The following XKRX variants were observed in gnomAD, a reference collection of about 807,000 sequenced individuals.
The protein encoded by XKRX is XK-related protein 2.
In XKRX, 11 loss-of-function variants were observed where a neutral mutation model predicts 22.4. The observed-to-expected ratio is 0.49, with a 90% confidence interval of 0.31 to 0.81. The LOEUF is 0.81. Among genes scored for constraint, XKRX ranks in the 40% least tolerant of loss-of-function variants. The pLI is 0.05. For missense variants in XKRX, 320 were observed against 336.5 expected (o/e 0.95, Z 0.38); for synonymous variants, 114 against 132.2 (o/e 0.86, Z 0.94).
chrX:100,909,965 T>C (rs2085401716), downstream of XKRX, among the ~76,000 whole-genome samples: 1 of 87,851 alleles, frequency 1.1e-5, no homozygotes, highest in African/African-American at 4.0e-5. Context: ...GTGCCAGGAA[T>C]ATAGTAGGTG....
the XKRX span, among the ~76,000 whole-genome samples, chrX:100,954,598 T>C: frequency 6.3e-5 from 7 of 111,639 alleles, no homozygotes; most frequent in Non-Finnish European, 1.3e-4. Flanking sequence ...TATATGCCCA[T>C]AAAAAACTTG....
At chrX:100,938,991 G>C in the XKRX span, among the ~76,000 whole-genome samples, 1 of 111,971 alleles carries the variant, frequency 8.9e-6, no homozygotes, top group East Asian at 2.8e-4. Flanking sequence ...TCCACATAGT[G>C]CTGCCCTATA....
chrX:100,904,197 T>C, the XKRX span, among the ~76,000 whole-genome samples: 1 of 111,800 alleles, frequency 8.9e-6, no homozygotes. Flanking sequence ...TCAACTGATG[T>C]TTGGTAAAGG....
the XKRX span, among the ~76,000 whole-genome samples, chrX:100,939,623 C>T: frequency 8.9e-6 from 1 of 111,947 alleles, no homozygotes; most frequent in Non-Finnish European, 1.9e-5. Flanking sequence ...CCTGAAGAGA[C>T]TTTCTCACCC....
rs190786549 is a variant in XKRX, at chrX:100,922,449, T to C, written c.604+344A>G. ...TTCTTCTGGGCCCAGAGAAGGTTTA[T>C]CTGTGACATTTTTAGTCTAAACAGC... is the stretch of plus-strand genomic sequence containing the variant. On this transcript the variant is annotated intron_variant, in intron 2 of 2. Coordinates refer to ENST00000372956, the MANE Select transcript of XKRX (RefSeq NM_212559.3). Among the ~76,000 whole-genome samples the C allele has an allele frequency of 2.1e-4, 24 of 111,940 alleles. No homozygotes were observed. In the East Asian group the frequency reaches 6.8e-3, roughly 32 times the overall value.
At chrX:100,901,036 C>A in the XKRX span, among the ~76,000 whole-genome samples, 2 of 110,713 alleles carry the variant, frequency 1.8e-5, no homozygotes, top group South Asian at 7.7e-4. Context: ...GTGATCTGCC[C>A]GCCTTGGCCT....
At chrX:100,909,023 A>G (rs2085397961), downstream of XKRX, among the ~76,000 whole-genome samples, 1 of 111,922 alleles carries the variant, frequency 8.9e-6, no homozygotes, top group South Asian at 3.8e-4. Flanking sequence ...GATGAAGTGG[A>G]AGGGAATGGG....
the XKRX span, among the ~76,000 whole-genome samples, chrX:100,941,643 T>C: frequency 1.8e-5 from 2 of 112,320 alleles, no homozygotes; most frequent in Non-Finnish European, 3.8e-5. Flanking sequence ...ATAGCGCAGA[T>C]ATAGAAGATG....
rs1426722164 is a variant in XKRX at position 100,923,768 on chromosome X, CA to C, written c.336-708del. On this transcript the variant is annotated intron_variant, in intron 1 of 2. Coordinates refer to ENST00000372956, the MANE Select transcript of XKRX (RefSeq NM_212559.3). ...CTTACCTCAAATTCGTGAGGTAAAG[CA>C]TTCCTCCCTCAAAGCATTCAGCTCC... 9.9e-5 allele frequency among the ~76,000 whole-genome samples: 11 copies of C among 110,576 alleles called. No individual in the cohort carries two copies. The Admixed American group carries it at 1.1e-3, about 11-fold the overall frequency.
chrX:100,920,886 A>C (rs2147941145), intron 2 of XKRX, among the ~76,000 whole-genome samples: 1 of 110,510 alleles, frequency 9.0e-6, no homozygotes, highest in East Asian at 2.8e-4. Context: ...CAGCCTCCCA[A>C]GTAGCTGGGA....
rs750539732 is a variant in XKRX at position 100,921,698 on chromosome X, T to G, written c.604+1095A>C. The stretch of plus-strand genomic sequence containing the variant: ...TTTCATCTTCTGCTAGAGGTCTTAC[T>G]CATTTCAGGATCCCTCTTCTACAAG... On this transcript the variant is annotated intron_variant, in intron 2 of 2. Transcript: ENST00000372956. 5.4e-5 allele frequency among the ~76,000 whole-genome samples: 6 copies of G among 110,932 alleles called. No homozygotes were observed. The South Asian group carries it at 1.9e-3, about 36-fold the overall frequency.
At chrX:100,941,490 A>G in the XKRX span, among the ~76,000 whole-genome samples, 14 of 111,789 alleles carry the variant, frequency 1.3e-4, no homozygotes, top group African/African-American at 4.2e-4. Context: ...CAGAGGTTGC[A>G]GTGAGCCGAG....
chrX:100,899,879 T>C, the XKRX span, among the ~76,000 whole-genome samples: 2 of 112,159 alleles, frequency 1.8e-5, no homozygotes, highest in South Asian at 7.4e-4. Flanking sequence ...AAATATCCCA[T>C]GTTTATGATT....
chrX:100,887,737 G>C, the XKRX span: 21 of 726,587 alleles, frequency 2.9e-5, no homozygotes, highest in Non-Finnish European at 4.1e-5. Context: ...CACCATAGGG[G>C]CCAGAGCTTC....
the XKRX span, among the ~76,000 whole-genome samples, chrX:100,904,264 A>C: frequency 9.0e-6 from 1 of 111,049 alleles, no homozygotes; most frequent in African/African-American, 3.3e-5. Context: ...TACTGGAATA[A>C]CCAGACATAC....
the XKRX span, among the ~76,000 whole-genome samples, chrX:100,906,162 C>T: frequency 9.0e-6 from 1 of 111,196 alleles, no homozygotes. Context: ...CCATATATCC[C>T]CTCCCCCCAC....
chrX:100,937,491 T>C, the XKRX span, among the ~76,000 whole-genome samples: 1 of 112,102 alleles, frequency 8.9e-6, no homozygotes, highest in African/African-American at 3.2e-5. Context: ...AAGGACTACT[T>C]GCAGACTCCA....
At chrX:100,908,106 A>AGTGAGTGTGTGT in the XKRX span, among the ~76,000 whole-genome samples, 1 of 86,976 alleles carries the variant, frequency 1.1e-5, no homozygotes, top group Non-Finnish European at 2.2e-5. Context: ...TCATGCATGG[A>AGTGAGTGTGTGT]GTGTGTGTGT....
the XKRX span, among the ~76,000 whole-genome samples, chrX:100,898,490 T>G: frequency 9.2e-6 from 1 of 108,341 alleles, no homozygotes; most frequent in African/African-American, 3.4e-5. Context: ...GAGATAGCAC[T>G]TAGGACAAGC....
Sources: gnomAD v4.1 joint callset for allele counts (sites outside exome capture counted in the v4.1 genomes callset) on GRCh38, gnomAD v4.1.1 for gene constraint, MANE v1.5 for transcripts, NCBI Gene and HGNC (gene_info 2026-07-23, HGNC 2026-07-21) for gene names.